Variants in STMN2 observed in about 807,000 individuals in gnomAD.
STMN2 encodes the protein stathmin 2.
STMN2 carries 2 observed loss-of-function variants against 24.1 expected under a neutral mutation model. The ratio of observed to expected loss-of-function variants is 0.08; its 90% confidence interval spans 0.03 to 0.26. STMN2 has a LOEUF of 0.26. Ranked by LOEUF, STMN2 falls within the 10% of genes least tolerant of loss-of-function variation. STMN2 has a pLI of 1.00. For synonymous variants in STMN2, 83 were observed against 77.5 expected (o/e 1.07, Z -0.37); for missense variants, 114 against 213.6 (o/e 0.53, Z 2.91).
At chr8:79,634,752 T>C (rs1273557961) in intron 1 of STMN2, among the ~76,000 whole-genome samples, 2 of 152,178 alleles carry the variant, frequency 1.3e-5, no homozygotes, top group Admixed American at 1.3e-4. Context: ...ATAATTCTAG[T>C]ATCTGTGGAT....
rs1465517969 is a variant in STMN2 at position 79,616,430 on chromosome 8, T to C, written c.19+5216T>C. On this transcript the variant is annotated intron_variant, in intron 1 of 4. Coordinates refer to ENST00000220876, the MANE Select transcript of STMN2 (RefSeq NM_007029.4). The stretch of plus-strand genomic sequence containing the variant: ...TTTTTGATTACATTTTATGTAATTC[T>C]AATCCAGCTATAAAATATTTAATAG... 2.0e-5 allele frequency among the ~76,000 whole-genome samples: 3 copies of C among 152,262 alleles called. No individual in the cohort carries two copies. In the East Asian group the frequency reaches 5.8e-4, roughly 29 times the overall value.
At chr8:79,643,755 T>C (rs1810160811) in intron 3 of STMN2, among the ~76,000 whole-genome samples, 1 of 152,076 alleles carries the variant, frequency 6.6e-6, no homozygotes, top group Non-Finnish European at 1.5e-5. Context: ...ATTTAAACAA[T>C]TGAATTGAAC....
chr8:79,615,735 C>T (rs767139846), intron 1 of STMN2, among the ~76,000 whole-genome samples: 4 of 152,150 alleles, frequency 2.6e-5, no homozygotes, highest in Non-Finnish European at 4.4e-5. Flanking sequence ...AAGCTGATGC[C>T]ATGCTTTACC....
At chr8:79,627,093 C>T (rs1036053715) in intron 1 of STMN2, among the ~76,000 whole-genome samples, 1 of 151,948 alleles carries the variant, frequency 6.6e-6, no homozygotes, top group African/African-American at 2.4e-5. Context: ...TCTGTTTGGC[C>T]CTTCCTATTA....
intron 3 of STMN2, among the ~76,000 whole-genome samples, chr8:79,650,956 A>G (rs1014945127): frequency 6.6e-6 from 1 of 152,220 alleles, no homozygotes; most frequent in Non-Finnish European, 1.5e-5. Context: ...AAAAAAAAAT[A>G]TTGAATGCTT....
At chr8:79,612,904 G>C (rs556364353) in intron 1 of STMN2, among the ~76,000 whole-genome samples, 96 of 152,138 alleles carry the variant, frequency 6.3e-4, no homozygotes, top group African/African-American at 2.2e-3. Flanking sequence ...AGTCCACAAC[G>C]GCCCGAGCAC....
chr8:79,625,784 C>A (rs149556131), intron 1 of STMN2, among the ~76,000 whole-genome samples: 2 of 151,822 alleles, frequency 1.3e-5, no homozygotes, highest in Admixed American at 1.3e-4. Flanking sequence ...ATGGTGAAAC[C>A]CTGTCTCTAC....
chr8:79,641,624 GCACGCACACACA>G (rs762999464), intron 3 of STMN2, 74 bp downstream of exon 3: 114 of 476,190 alleles, frequency 2.4e-4, no homozygotes, highest in Non-Finnish European at 1.9e-4. Context: ...GGGCACACAT[GCACGCACACACA>G]CACACACACA....
intron 3 of STMN2, among the ~76,000 whole-genome samples, chr8:79,653,117 C>G (rs556989371): frequency 6.6e-6 from 1 of 152,214 alleles, no homozygotes; most frequent in South Asian, 2.1e-4. Context: ...GTGGCTCACA[C>G]CTATAATCCC....
chr8:79,643,629 A>G (rs1810158226), intron 3 of STMN2, among the ~76,000 whole-genome samples: 1 of 152,208 alleles, frequency 6.6e-6, no homozygotes, highest in Admixed American at 6.5e-5. Context: ...GGATAAAAAA[A>G]GAACTGGGAT....
At chr8:79,616,390 C>T (rs1000833924) in intron 1 of STMN2, among the ~76,000 whole-genome samples, 4 of 152,066 alleles carry the variant, frequency 2.6e-5, no homozygotes, top group Non-Finnish European at 2.9e-5. Context: ...TTTAAATATG[C>T]ATTGATAGAA....
intron 1 of STMN2, among the ~76,000 whole-genome samples, chr8:79,636,562 T>C (rs1809962486): frequency 6.6e-6 from 1 of 152,184 alleles, no homozygotes; most frequent in Non-Finnish European, 1.5e-5. Flanking sequence ...CTAACTCCCT[T>C]TCTTTCTCTT....
At chr8:79,627,352 T>C (rs183661684) in intron 1 of STMN2, among the ~76,000 whole-genome samples, 3 of 152,318 alleles carry the variant, frequency 2.0e-5, no homozygotes, top group Non-Finnish European at 1.5e-5. Flanking sequence ...AATTTTTTTA[T>C]TGGGTATGTT....
chr8:79,636,960 T>G, intron 2 of STMN2, 63 bp downstream of exon 2: 1 of 1,484,382 alleles, frequency 6.7e-7, no homozygotes, highest in Non-Finnish European at 9.4e-7. Flanking sequence ...TGACATATAT[T>G]TGTTTCTTAC....
At chr8:79,640,477 T>C (rs187987536) in intron 2 of STMN2, among the ~76,000 whole-genome samples, 1 of 152,282 alleles carries the variant, frequency 6.6e-6, no homozygotes, top group East Asian at 1.9e-4. Flanking sequence ...CAGTATTCCA[T>C]GTGTATGTGT....
chr8:79,643,499 G>T (rs1411926557), intron 3 of STMN2, among the ~76,000 whole-genome samples: 1 of 151,986 alleles, frequency 6.6e-6, no homozygotes, highest in Non-Finnish European at 1.5e-5. Context: ...GCTATGACTT[G>T]ATTAGAATAT....
At chr8:79,642,628 G>C (rs1396606546) in intron 3 of STMN2, among the ~76,000 whole-genome samples, 1 of 152,102 alleles carries the variant, frequency 6.6e-6, no homozygotes, top group African/African-American at 2.4e-5. Context: ...AATTCTCCAA[G>C]AGAGAATGCA....
chr8:79,627,239 A>C (rs1334949790), intron 1 of STMN2, among the ~76,000 whole-genome samples: 1 of 152,236 alleles, frequency 6.6e-6, no homozygotes, highest in Non-Finnish European at 1.5e-5. Flanking sequence ...TTCATTTATA[A>C]TGTATTCCCA....
intron 3 of STMN2, among the ~76,000 whole-genome samples, chr8:79,644,874 GC>G (rs1310219512): frequency 6.6e-6 from 1 of 152,178 alleles, no homozygotes; most frequent in African/African-American, 2.4e-5. Context: ...CGTGAGCCAG[GC>G]CGGGTGTGGT....
Sources: allele counts gnomAD v4.1 joint callset (sites outside exome capture counted in the v4.1 genomes callset), GRCh38; gene constraint gnomAD v4.1.1; transcripts MANE v1.5; gene names NCBI Gene and HGNC (gene_info 2026-07-23, HGNC 2026-07-21).